ATAD2B: variants seen among roughly 807,000 people sequenced by gnomAD.
ATAD2B encodes the protein ATPase family AAA domain containing 2B, also known as ATPase family AAA domain-containing protein 2B.
In ATAD2B, 40 loss-of-function variants were observed where a neutral mutation model predicts 167.6. The ratio of observed to expected loss-of-function variants is 0.24; its 90% CI spans 0.19 to 0.31. The LOEUF is 0.31. Among genes scored for constraint, ATAD2B ranks in the 10% least tolerant of loss-of-function variants. ATAD2B has a pLI of 1.00. For missense variants in ATAD2B, 1,242 were observed against 1,757.2 expected, an observed-to-expected ratio of 0.71 and a Z score of 5.24; for synonymous variants, 579 against 596.5, an observed-to-expected ratio of 0.97 and a Z score of 0.43.
At chr2:23,809,895 G>T (rs2149534440) in intron 18 of ATAD2B, among the ~76,000 whole-genome samples, 1 of 152,218 alleles carries the variant, frequency 6.6e-6, no homozygotes, top group South Asian at 2.1e-4. Flanking sequence ...TATAATTTTT[G>T]AACTGCTATC....
At chr2:23,798,771 C>G (rs923896691) in intron 18 of ATAD2B, among the ~76,000 whole-genome samples, 2 of 152,096 alleles carry the variant, frequency 1.3e-5, no homozygotes, top group Non-Finnish European at 2.9e-5. Flanking sequence ...TAAAATCATA[C>G]AATATATAAT....
At chr2:23,905,383 G>A (rs1701348689) in intron 1 of ATAD2B, among the ~76,000 whole-genome samples, 1 of 152,160 alleles carries the variant, frequency 6.6e-6, no homozygotes, top group Non-Finnish European at 1.5e-5. Flanking sequence ...AATTAGCCGT[G>A]AGTAGTGGCA....
chr2:23,703,658 G>A, the ATAD2B span: 5 of 1,475,200 alleles, frequency 3.4e-6, no homozygotes, highest in Non-Finnish European at 4.5e-6. Context: ...TTCTGGGAAA[G>A]AAAAGGAGAG....
At chr2:23,907,478 C>G (rs1262902170) in intron 1 of ATAD2B, among the ~76,000 whole-genome samples, 4 of 152,174 alleles carry the variant, frequency 2.6e-5, no homozygotes, top group South Asian at 4.1e-4. Context: ...AGGATACAAA[C>G]AAATGGAAGA....
intron 15 of ATAD2B, among the ~76,000 whole-genome samples, chr2:23,824,638 G>A (rs1466086762): frequency 6.6e-6 from 1 of 151,960 alleles, no homozygotes; most frequent in African/African-American, 2.4e-5. Context: ...TAATCTAAGG[G>A]TTATACCAAC....
chr2:23,715,131 G>GA, the ATAD2B span, among the ~76,000 whole-genome samples: 1 of 152,108 alleles, frequency 6.6e-6, no homozygotes, highest in African/African-American at 2.4e-5. Flanking sequence ...ACAACTTCTG[G>GA]AAAAGGCTCT....
chr2:23,701,427 G>C, the ATAD2B span, among the ~76,000 whole-genome samples: 310 of 152,236 alleles, frequency 2.0e-3, 1 homozygote, highest in African/African-American at 7.0e-3. Context: ...AAAACCTTCA[G>C]GGCAGTCAGG....
intron 14 of ATAD2B, among the ~76,000 whole-genome samples, chr2:23,833,200 T>G (rs563985302): frequency 6.6e-6 from 1 of 152,186 alleles, no homozygotes; most frequent in Non-Finnish European, 1.5e-5. Flanking sequence ...CCGAATCACT[T>G]AAGACTTTCA....
chr2:23,913,873 G>A lies in ATAD2B; in HGVS notation c.216+12682C>T, dbSNP rs534727092. Among the ~76,000 whole-genome samples, 5 of 152,092 alleles carry A rather than the reference G, an allele frequency of 3.3e-5. 1 individual carries two copies. Among genetic ancestry groups the A allele is most frequent in the South Asian group, 4.2e-4 (2 of 4,810 alleles). ...TCCCAACACTCTGGGAGGCTGAGGC[G>A]AGAGGATTGCTTGAGCCTAGGTGGT... is the stretch of plus-strand genomic sequence containing the variant. On this transcript the variant is annotated intron_variant, in intron 1 of 27. Coordinates refer to ENST00000238789, the MANE Select transcript of ATAD2B (RefSeq NM_017552.4).
At chr2:23,789,293 T>C (rs1681295791) in intron 19 of ATAD2B, among the ~76,000 whole-genome samples, 2 of 152,168 alleles carry the variant, frequency 1.3e-5, no homozygotes, top group South Asian at 2.1e-4. Context: ...CCTTCCAAGA[T>C]ATGCTGTTTA....
intron 17 of ATAD2B, chr2:23,811,611 A>C (rs893341458): frequency 2.0e-5 from 3 of 152,178 alleles, no homozygotes; most frequent in African/African-American, 7.2e-5. Flanking sequence ...GTGGGAGGCC[A>C]GGGGAGGGAT....
At chr2:23,851,084 A>C (rs1212743917) in intron 13 of ATAD2B, among the ~76,000 whole-genome samples, 2 of 152,202 alleles carry the variant, frequency 1.3e-5, no homozygotes, top group African/African-American at 4.8e-5. Context: ...GATCTTGGAC[A>C]TCCCAGCCTC....
chr2:23,819,474 G>C (rs1687105244), intron 17 of ATAD2B, among the ~76,000 whole-genome samples: 1 of 141,364 alleles, frequency 7.1e-6, no homozygotes, highest in Non-Finnish European at 1.5e-5. Context: ...CTGGGTGACA[G>C]AGTGAGACTC....
At chr2:23,802,088 A>T (rs1465211924) in intron 18 of ATAD2B, among the ~76,000 whole-genome samples, 1 of 152,048 alleles carries the variant, frequency 6.6e-6, no homozygotes, top group Non-Finnish European at 1.5e-5. Context: ...AAAAGAGGGA[A>T]ACAAATTTGT....
At chr2:23,696,692 A>G in the ATAD2B span, 1 of 563,926 alleles carries the variant, frequency 1.8e-6, no homozygotes, top group African/African-American at 1.9e-5. The surrounding 1 kb of genome is among the most constrained non-coding windows in gnomAD (Gnocchi z 5.5). Context: ...GGTGTGGGAT[A>G]CAAGCAGATG....
At chr2:23,851,183 C>T (rs564392024) in intron 13 of ATAD2B, among the ~76,000 whole-genome samples, 41 of 152,324 alleles carry the variant, frequency 2.7e-4, no homozygotes, top group African/African-American at 9.1e-4. Flanking sequence ...CTCACTCTCT[C>T]ACCTAGGCTG....
chr2:23,856,536 TG>T, intron 13 of ATAD2B: 2 of 251,952 alleles, frequency 7.9e-6, no homozygotes, highest in South Asian at 3.7e-5. Flanking sequence ...GGAATACTCC[TG>T]GGGAGTGAAA....
At chr2:23,869,352 C>T (rs532084897) in intron 9 of ATAD2B, among the ~76,000 whole-genome samples, 7 of 152,192 alleles carry the variant, frequency 4.6e-5, no homozygotes, top group Non-Finnish European at 8.8e-5. Flanking sequence ...AAATCAACCT[C>T]ATTAAATGGA....
chr2:23,696,011 C>T, the ATAD2B span: 15 of 1,551,578 alleles, frequency 9.7e-6, no homozygotes, highest in East Asian at 2.4e-5. This position sits in a 1 kb window ranked among gnomAD's most constrained non-coding sequence, Gnocchi z 5.5. Flanking sequence ...ACCCAGCGCT[C>T]GCTGGTGGCC....
Sources: gnomAD v4.1 joint callset for allele counts (sites outside exome capture counted in the v4.1 genomes callset) on GRCh38, gnomAD v4.1.1 for gene constraint, Gnocchi (gnomAD v3.1) non-coding constraint, MANE v1.5 for transcripts, NCBI Gene and HGNC (gene_info 2026-07-23, HGNC 2026-07-21) for gene names.